GALNT13: variants seen among roughly 807,000 people sequenced by gnomAD.
The protein encoded by GALNT13 is UDP-GalNAc:polypeptide N-acetylgalactosaminyltransferase 13.
GALNT13 carries 28 observed loss-of-function variants against 64.2 expected under a neutral mutation model. The ratio of observed to expected loss-of-function variants is 0.44; its 90% CI spans 0.32 to 0.60. The LOEUF is 0.60. GALNT13 is among the 20% of genes least tolerant of loss of function. The pLI, the probability that GALNT13 is intolerant of heterozygous loss-of-function variation, is 0.05. For synonymous variants in GALNT13, 214 were observed against 224.6 expected (o/e 0.95, Z 0.42); for missense variants, 577 against 669.8 (o/e 0.86, Z 1.53).
At chr2:153,166,617 CTGCATGTGTGTGTGTG>C in the GALNT13 span, among the ~76,000 whole-genome samples, 11 of 100,972 alleles carry the variant, frequency 1.1e-4, no homozygotes, top group African/African-American at 4.6e-4. Flanking sequence ...TCTTTGCCTA[CTGCATGTGTGTGTGTG>C]TGTGTGTGTG....
the GALNT13 span, among the ~76,000 whole-genome samples, chr2:153,238,543 G>A: frequency 1.2e-4 from 18 of 152,088 alleles, no homozygotes; most frequent in South Asian, 3.1e-3. Context: ...TCATTCTTCC[G>A]CATGTGGATA....
chr2:153,160,521 T>C, the GALNT13 span, among the ~76,000 whole-genome samples: 3 of 152,244 alleles, frequency 2.0e-5, no homozygotes, highest in Non-Finnish European at 4.4e-5. Flanking sequence ...TTAGCATTCA[T>C]GCAACTTTCT....
chr2:154,268,746 A>G (rs1281162466), intron 8 of GALNT13, among the ~76,000 whole-genome samples: 3 of 152,078 alleles, frequency 2.0e-5, no homozygotes, highest in Non-Finnish European at 2.9e-5. Flanking sequence ...TTCTCAATAT[A>G]TCATAGTCCA....
chr2:153,362,342 A>G, the GALNT13 span, among the ~76,000 whole-genome samples: 1 of 152,226 alleles, frequency 6.6e-6, no homozygotes, highest in Non-Finnish European at 1.5e-5. Flanking sequence ...ATAACCAGCT[A>G]GCATCATGAT....
chr2:153,443,942 A>T, the GALNT13 span, among the ~76,000 whole-genome samples: 2 of 152,104 alleles, frequency 1.3e-5, no homozygotes, highest in African/African-American at 4.8e-5. Context: ...TCAGTTTCTC[A>T]TAAGGGCCTT....
the GALNT13 span, among the ~76,000 whole-genome samples, chr2:153,178,896 A>G: frequency 1.1e-4 from 16 of 149,828 alleles, no homozygotes; most frequent in African/African-American, 3.7e-4. Flanking sequence ...AACCACAACT[A>G]TCTAGTTTTT....
chr2:153,217,953 A>C, the GALNT13 span, among the ~76,000 whole-genome samples: 1,187 of 152,290 alleles, frequency 7.8e-3, 9 homozygotes, highest in Middle Eastern at 0.02. Flanking sequence ...GCAGATGGAC[A>C]TGTCTTTCCT....
intron 4 of GALNT13, among the ~76,000 whole-genome samples, chr2:154,175,816 G>A (rs1027811935): frequency 3.9e-5 from 6 of 152,026 alleles, no homozygotes; most frequent in Admixed American, 1.3e-4. Flanking sequence ...GATAATCCCA[G>A]ACACTTGCAA....
chr2:153,301,877 T>TTGTGTGTGTG, the GALNT13 span, among the ~76,000 whole-genome samples: 123 of 146,166 alleles, frequency 8.4e-4, no homozygotes, highest in African/African-American at 2.9e-3. Flanking sequence ...GTATTCCACT[T>TTGTGTGTGTG]TGTGTGTGTG....
At chr2:153,397,581 G>A in the GALNT13 span, among the ~76,000 whole-genome samples, 4 of 151,864 alleles carry the variant, frequency 2.6e-5, no homozygotes, top group South Asian at 2.1e-4. Flanking sequence ...TCTTGCATCC[G>A]TATTTGGAAT....
chr2:153,416,316 A>G, the GALNT13 span, among the ~76,000 whole-genome samples: 26 of 152,196 alleles, frequency 1.7e-4, no homozygotes, highest in African/African-American at 4.6e-4. Flanking sequence ...AATGGTGCCA[A>G]TGTAAGAATA....
chr2:154,209,507 A>G (rs1219228115), intron 4 of GALNT13, among the ~76,000 whole-genome samples: 2 of 152,138 alleles, frequency 1.3e-5, no homozygotes, highest in Non-Finnish European at 2.9e-5. Context: ...CCTGCTAATG[A>G]TTGTGTCTTC....
chr2:154,079,710 C>T (rs750892915), intron 3 of GALNT13, among the ~76,000 whole-genome samples: 6 of 151,536 alleles, frequency 4.0e-5, no homozygotes, highest in Non-Finnish European at 8.9e-5. Flanking sequence ...AAGTTGCTTG[C>T]ATACTTACCT....
the GALNT13 span, among the ~76,000 whole-genome samples, chr2:153,260,593 A>G: frequency 1.3e-5 from 2 of 151,840 alleles, no homozygotes; most frequent in Admixed American, 6.6e-5. Context: ...TTTGTGTGTT[A>G]TTTGTTTGTT....
At chr2:153,784,423 G>C in the GALNT13 span, among the ~76,000 whole-genome samples, 2 of 152,214 alleles carry the variant, frequency 1.3e-5, no homozygotes, top group Non-Finnish European at 2.9e-5. Context: ...AAGCATTCAA[G>C]AGGAAGCAGA....
At chr2:153,252,611 C>T in the GALNT13 span, among the ~76,000 whole-genome samples, 1 of 152,118 alleles carries the variant, frequency 6.6e-6, no homozygotes, top group East Asian at 1.9e-4. Context: ...TTAGGTCTAA[C>T]CTGTAAGTCT....
the GALNT13 span, among the ~76,000 whole-genome samples, chr2:153,619,762 A>G: frequency 6.6e-6 from 1 of 152,136 alleles, no homozygotes; most frequent in South Asian, 2.1e-4. Flanking sequence ...TATATGTGTC[A>G]TACCACCCTC....
intron 9 of GALNT13, among the ~76,000 whole-genome samples, chr2:154,366,542 A>G (rs1246039238): frequency 2.6e-5 from 4 of 152,222 alleles, no homozygotes; most frequent in South Asian, 2.1e-4. Context: ...ATCAAGTACA[A>G]TGAGTTAAAC....
chr2:153,775,572 T>G, the GALNT13 span, among the ~76,000 whole-genome samples: 2 of 152,170 alleles, frequency 1.3e-5, no homozygotes, highest in African/African-American at 4.8e-5. Flanking sequence ...TAAACTTTCT[T>G]AATTTTTTTT....
Sources: gnomAD v4.1 joint callset for allele counts (sites outside exome capture counted in the v4.1 genomes callset) on GRCh38, gnomAD v4.1.1 for gene constraint, MANE v1.5 for transcripts, NCBI Gene and HGNC (gene_info 2026-07-23, HGNC 2026-07-21) for gene names.